ATAD2: variants seen among roughly 807,000 people sequenced by gnomAD.
The protein encoded by ATAD2 is ATPase family AAA domain-containing protein 2.
Under a neutral mutation model 168.9 loss-of-function variants are expected in ATAD2, and 62 were observed. The observed-to-expected ratio is 0.37, with a 90% confidence interval of 0.30 to 0.45. ATAD2 has a LOEUF of 0.45. ATAD2 is among the 20% of genes least tolerant of loss of function. The pLI, the probability that ATAD2 is intolerant of heterozygous loss-of-function variation, is 1.00. For missense variants in ATAD2, 1,419 were observed against 1,667.8 expected (o/e 0.85, Z 2.60); for synonymous variants, 613 against 571.6 (o/e 1.07, Z -1.03).
At chr8:123,339,607 C>CAT (rs1211501452) in intron 19 of ATAD2, among the ~76,000 whole-genome samples, 161 bp from the exon 20 acceptor site, 1 of 152,106 alleles carries the variant, frequency 6.6e-6, no homozygotes, top group African/African-American at 2.4e-5. Flanking sequence ...ATAAACCCAT[C>CAT]ATATGTCAAG....
chr8:123,339,220 CTTGTG>C, intron 20 of ATAD2, 86 bp downstream of exon 20: 1 of 1,154,634 alleles, frequency 8.7e-7, no homozygotes, highest in East Asian at 2.6e-5. Flanking sequence ...AGGTTTTGAG[CTTGTG>C]TTATCAGATA....
chr8:123,360,661 G>C (rs1037613476), intron 9 of ATAD2, among the ~76,000 whole-genome samples: 3 of 151,992 alleles, frequency 2.0e-5, no homozygotes, highest in East Asian at 3.9e-4. Flanking sequence ...AGGAGTTCGA[G>C]ACCAGCCTAG....
intron 1 of ATAD2, among the ~76,000 whole-genome samples, chr8:123,381,498 C>CACAAAACAAAACAAAACAAA (rs374417395): frequency 1.0e-3 from 151 of 151,288 alleles, no homozygotes; most frequent in African/African-American, 3.5e-3. Context: ...GAGACCCTGC[C>CACAAAACAAAACAAAACAAA]ACAAAACAAA....
rs116972057 is a variant in ATAD2 at position 123,388,154 on chromosome 8, C to A, written c.172-7477G>T. Among the ~76,000 whole-genome samples, 730 of 152,266 alleles carry A rather than the reference C, an allele frequency of 4.8e-3. 16 individuals are homozygous for A. The East Asian group carries it at 0.051, about 11-fold the overall frequency. On this transcript the variant is annotated intron_variant, in intron 1 of 27. Transcript: ENST00000287394. ...GTCTCCCAATAGCTACATCCAATAG[C>A]CTTTTCTCTACCTCACTGAATTCTA...
intron 1 of ATAD2, among the ~76,000 whole-genome samples, chr8:123,413,228 C>A (rs965312809): frequency 3.3e-5 from 2 of 60,134 alleles, no homozygotes; most frequent in Non-Finnish European, 6.8e-5. Flanking sequence ...ATGAGCGCCC[C>A]CCCCCCCCCA....
At chr8:123,396,068 T>C in intron 1 of ATAD2, 119 bp downstream of exon 1, 1 of 1,177,564 alleles carries the variant, frequency 8.5e-7, no homozygotes, top group East Asian at 2.9e-5. Flanking sequence ...CGACCACACT[T>C]CTCCCCCGAC....
At chr8:123,366,680 G>A (rs1376810053) in intron 8 of ATAD2, among the ~76,000 whole-genome samples, 1 of 152,196 alleles carries the variant, frequency 6.6e-6, no homozygotes, top group Non-Finnish European at 1.5e-5. Context: ...TGGGAGCTAA[G>A]CTATGAAGAT....
rs111923940 is a variant in ATAD2, at chr8:123,387,874, G to C, written c.172-7197C>G. Among the ~76,000 whole-genome samples, 10 of 152,232 alleles carry C rather than the reference G, an allele frequency of 6.6e-5. No homozygotes were observed. The East Asian group carries it at 1.9e-3, about 29-fold the overall frequency. On this transcript the variant is annotated intron_variant, in intron 1 of 27. Coordinates refer to ENST00000287394, the MANE Select transcript of ATAD2 (RefSeq NM_014109.4). The stretch of plus-strand genomic sequence containing the variant: ...CATTTTTTAAAAAGCATGTTTGGGG[G>C]GGAGGTCAGTTGTTTGAGTCAATTC...
chr8:123,387,364 A>C (rs1225297495), intron 1 of ATAD2, among the ~76,000 whole-genome samples: 1 of 152,172 alleles, frequency 6.6e-6, no homozygotes, highest in African/African-American at 2.4e-5. Context: ...TCTTGTGTAT[A>C]TCTTCTTTCC....
At chr8:123,367,318 G>A (rs928752375) in intron 8 of ATAD2, among the ~76,000 whole-genome samples, 20 of 152,228 alleles carry the variant, frequency 1.3e-4, no homozygotes, top group African/African-American at 4.8e-4. Flanking sequence ...TCGGGGGGCT[G>A]AGGCAGAAGA....
chr8:123,372,899 T>TC (rs1418108349), intron 2 of ATAD2, among the ~76,000 whole-genome samples: 1 of 150,920 alleles, frequency 6.6e-6, no homozygotes, highest in African/African-American at 2.4e-5. Flanking sequence ...TAACTTTTTT[T>TC]TTTTTTTTTT....
In ATAD2 at chr8:123,409,121, G is replaced by A. The variant is rs114634488; in HGVS notation, c.-2282+7127C>T. Among the ~76,000 whole-genome samples the A allele has an allele frequency of 2.3e-3, 352 of 152,066 alleles. 4 individuals carry two copies. Among genetic ancestry groups the A allele is most frequent in the African/African-American group, 7.8e-3 (323 of 41,484 alleles). On this transcript the variant is annotated intron_variant, in intron 1 of 28. Transcript: ENST00000521903. ...GGTTACAGGTATGAGCCACGGCCCC[G>A]GCTGATATATTCTTATAATGTGGTT...
chr8:123,389,986 T>TATATATATATATATATA (rs58743148), intron 1 of ATAD2, among the ~76,000 whole-genome samples: 196 of 67,524 alleles, frequency 2.9e-3, no homozygotes, highest in Non-Finnish European at 3.0e-3. Context: ...ATATATATAT[T>TATATATATATATATATA]TTTTTTTTTT....
At chr8:123,366,670 T>A (rs923165381) in intron 8 of ATAD2, among the ~76,000 whole-genome samples, 1 of 152,040 alleles carries the variant, frequency 6.6e-6, no homozygotes, top group African/African-American at 2.4e-5. Flanking sequence ...CACTAATAAG[T>A]GGGAGCTAAG....
At chr8:123,336,922 G>T (rs949282535) in intron 21 of ATAD2, among the ~76,000 whole-genome samples, 6 of 151,332 alleles carry the variant, frequency 4.0e-5, no homozygotes, top group Non-Finnish European at 8.8e-5. Context: ...CAGGAAGATT[G>T]CTTGAGGCCA....
chr8:123,372,597 T>C (rs761591798), intron 3 of ATAD2, 40 bp downstream of exon 3: 1 of 1,439,144 alleles, frequency 6.9e-7, no homozygotes, highest in Non-Finnish European at 9.4e-7. Flanking sequence ...GAATATTAAT[T>C]ACACATTTTA....
chr8:123,374,716 G>A (rs920410545), intron 2 of ATAD2, among the ~76,000 whole-genome samples: 10 of 152,200 alleles, frequency 6.6e-5, no homozygotes, highest in African/African-American at 2.4e-4. Flanking sequence ...AAAATGAATG[G>A]GCATGGCAGT....
upstream of ATAD2, among the ~76,000 whole-genome samples, chr8:123,396,711 G>A (rs1261852195): frequency 2.0e-5 from 3 of 152,196 alleles, no homozygotes; most frequent in Admixed American, 6.5e-5. Flanking sequence ...GGTGGGAGCG[G>A]TGCGTAGCCC....
At chr8:123,401,194 G>A, upstream of ATAD2, 1 of 943,044 alleles carries the variant, frequency 1.1e-6, no homozygotes, top group Non-Finnish European at 1.7e-6. Flanking sequence ...AAGCAAGAAA[G>A]TGAAGCTGCC....
Sources: gnomAD v4.1 joint callset for allele counts (sites outside exome capture counted in the v4.1 genomes callset) on GRCh38, gnomAD v4.1.1 for gene constraint, MANE v1.5 for transcripts, NCBI Gene and HGNC (gene_info 2026-07-23, HGNC 2026-07-21) for gene names.